UNC13B: variants seen among roughly 807,000 people sequenced by gnomAD.
UNC13B encodes unc-13 homolog B, also known as protein unc-13 homolog B.
In UNC13B, 144 loss-of-function variants were observed where a neutral mutation model predicts 211.0. That is an observed-to-expected ratio of 0.68 (90% CI 0.60 to 0.78). The LOEUF is 0.78. Ranked by LOEUF, UNC13B falls within the 30% of genes least tolerant of loss-of-function variation. The probability of loss-of-function intolerance (pLI) is 0.00; values close to 1 mark genes in which losing one functional copy is unlikely to be tolerated. For missense variants in UNC13B, 1,777 were observed against 2,002.0 expected, an observed-to-expected ratio of 0.89 and a Z score of 2.14; for synonymous variants, 709 against 725.8, an observed-to-expected ratio of 0.98 and a Z score of 0.37.
chr9:35,386,941 T>C (rs1203592471), intron 24 of UNC13B, among the ~76,000 whole-genome samples: 1 of 152,188 alleles, frequency 6.6e-6, no homozygotes, highest in Non-Finnish European at 1.5e-5. Flanking sequence ...TACTTCTAGC[T>C]CCAATTACTC....
chr9:35,322,028 A>G (rs572345181), intron 11 of UNC13B, among the ~76,000 whole-genome samples: 38 of 152,334 alleles, frequency 2.5e-4, no homozygotes, highest in Admixed American at 1.2e-3. Context: ...TAGGTCACTT[A>G]TACTTCTTCA....
chr9:35,357,583 T>G (rs541004821), intron 11 of UNC13B, among the ~76,000 whole-genome samples: 15 of 151,412 alleles, frequency 9.9e-5, no homozygotes, highest in African/African-American at 3.1e-4. Context: ...TTATTGTTTT[T>G]TTTTTTTTTT....
chr9:35,295,407 A>G (rs1192890604), intron 7 of UNC13B, among the ~76,000 whole-genome samples: 1 of 152,198 alleles, frequency 6.6e-6, no homozygotes, highest in Non-Finnish European at 1.5e-5. Flanking sequence ...TAGTTGGAGA[A>G]GCAGAATTCC....
chr9:35,246,221 T>C (rs538740038), intron 6 of UNC13B, among the ~76,000 whole-genome samples: 2 of 152,244 alleles, frequency 1.3e-5, no homozygotes, highest in East Asian at 3.9e-4. Context: ...TGTAAATTTG[T>C]TTGAGTTCAT....
At chr9:35,348,143 A>C (rs1198714726) in intron 11 of UNC13B, among the ~76,000 whole-genome samples, 1 of 152,228 alleles carries the variant, frequency 6.6e-6, no homozygotes, top group Non-Finnish European at 1.5e-5. Context: ...TGAGGGGCAG[A>C]AGCAGATAGG....
chr9:35,237,256 A>G (rs1414301318), intron 4 of UNC13B, among the ~76,000 whole-genome samples: 4 of 151,868 alleles, frequency 2.6e-5, no homozygotes, highest in Non-Finnish European at 5.9e-5. Flanking sequence ...AATTGCCTGT[A>G]TTTTCTGTAT....
At chr9:35,396,625 C>T (rs1209770469) in intron 27 of UNC13B, 23 bp downstream of exon 27, 9 of 1,613,350 alleles carry the variant, frequency 5.6e-6, no homozygotes, top group Non-Finnish European at 5.9e-6. Context: ...GTGGGCACTA[C>T]AGAGGGAAGG....
intron 2 of UNC13B, 45 bp downstream of exon 2, chr9:35,228,089 T>C (rs759224737): frequency 1.3e-6 from 2 of 1,541,836 alleles, no homozygotes; most frequent in Admixed American, 4.0e-5. Flanking sequence ...GTATTTGCTG[T>C]TATTTCAAAG....
intron 11 of UNC13B, 107 bp from the exon 12 acceptor site, chr9:35,366,840 A>G (rs553345014): frequency 7.5e-6 from 7 of 927,996 alleles, no homozygotes; most frequent in South Asian, 6.9e-5. Flanking sequence ...CACATGGTGA[A>G]TGTGACTTAC....
chr9:35,337,170 C>T (rs757638484), intron 11 of UNC13B, among the ~76,000 whole-genome samples: 4 of 151,928 alleles, frequency 2.6e-5, no homozygotes, highest in Non-Finnish European at 5.9e-5. Context: ...GAAATATCCC[C>T]CTAGCAAATT....
At chr9:35,368,289 T>TA (rs1294607062) in intron 12 of UNC13B, among the ~76,000 whole-genome samples, 1 of 152,204 alleles carries the variant, frequency 6.6e-6, no homozygotes, top group East Asian at 1.9e-4. Flanking sequence ...AGCTCCCACT[T>TA]ATAAGAGAGA....
At chr9:35,401,891 G>T in intron 37 of UNC13B, 5 of 1,496,202 alleles carry the variant, frequency 3.3e-6, no homozygotes, top group Middle Eastern at 1.7e-4. Flanking sequence ...GACTGCTAAC[G>T]GATTCTTCTT....
chr9:35,214,014 C>T (rs1440525259), intron 1 of UNC13B, among the ~76,000 whole-genome samples: 1 of 151,914 alleles, frequency 6.6e-6, no homozygotes. Flanking sequence ...TGATACATGA[C>T]GTAGAACATA....
intron 11 of UNC13B, among the ~76,000 whole-genome samples, chr9:35,318,596 G>A (rs1405428970): frequency 6.6e-6 from 1 of 152,096 alleles, no homozygotes; most frequent in African/African-American, 2.4e-5. Context: ...TTCCATATCA[G>A]CTCTAAGAAA....
intron 1 of UNC13B, among the ~76,000 whole-genome samples, chr9:35,215,093 A>G (rs1482761322): frequency 6.6e-6 from 1 of 152,212 alleles, no homozygotes; most frequent in African/African-American, 2.4e-5. Context: ...TGAGTAGAAC[A>G]GTTGTTAAAC....
chr9:35,351,605 G>A, intron 11 of UNC13B: 1 of 1,232,250 alleles, frequency 8.1e-7, no homozygotes. Flanking sequence ...CCCAGATAAG[G>A]CTAAGGCAGA....
rs115225446 is a variant in UNC13B at position 35,375,315 on chromosome 9, T to C, written c.9615+114T>C. On this transcript the variant is annotated intron_variant, in intron 14 of 39. Coordinates refer to ENST00000635942, the MANE Select transcript of UNC13B (RefSeq NM_001371189.2). ...GGAATTCAAGAGTGCTGGACACACA[T>C]TGCTGATGAAAAAGATAGATAGCAT... is the stretch of plus-strand genomic sequence containing the variant. 6.9e-3 allele frequency: 7,883 copies of C among 1,135,490 alleles called. 360 individuals are homozygous for C. In the African/African-American group the frequency reaches 0.1, roughly 15 times the overall value. 70.3% of individuals were successfully genotyped at this position (1,135,490 alleles called of 1,614,324 possible).
At chr9:35,388,408 A>G (rs554232169) in intron 24 of UNC13B, among the ~76,000 whole-genome samples, 2 of 151,686 alleles carry the variant, frequency 1.3e-5, no homozygotes, top group East Asian at 3.9e-4. Context: ...ACTCCGTCTC[A>G]AAAAAAAAGA....
At chr9:35,195,689 C>T (rs1160380245) in intron 1 of UNC13B, among the ~76,000 whole-genome samples, 1 of 152,182 alleles carries the variant, frequency 6.6e-6, no homozygotes, top group Non-Finnish European at 1.5e-5. Flanking sequence ...TCATAATTCT[C>T]AGAGGGCCAT....
Sources: gnomAD v4.1 joint callset for allele counts (sites outside exome capture counted in the v4.1 genomes callset) on GRCh38, gnomAD v4.1.1 for gene constraint, MANE v1.5 for transcripts, NCBI Gene and HGNC (gene_info 2026-07-23, HGNC 2026-07-21) for gene names.